The following GABRB3 variants were observed in gnomAD, a reference collection of about 807,000 sequenced individuals.
The protein encoded by GABRB3 is gamma-aminobutyric acid receptor subunit beta-3.
In GABRB3, 14 loss-of-function variants were observed where a neutral mutation model predicts 52.1. That is an observed-to-expected ratio of 0.27 (90% CI 0.18 to 0.42). The LOEUF (loss-of-function observed/expected upper bound fraction) is 0.42. Among genes scored for constraint, GABRB3 ranks in the 10% least tolerant of loss-of-function variants. GABRB3 has a pLI of 1.00. For synonymous variants in GABRB3, 260 were observed against 232.3 expected, an observed-to-expected ratio of 1.12 and a Z score of -1.08; for missense variants, 307 against 609.1, an observed-to-expected ratio of 0.50 and a Z score of 5.22.
intron 3 of GABRB3, chr15:26,716,581 C>T (rs1166659264): frequency 3.0e-6 from 3 of 992,652 alleles, no homozygotes; most frequent in Non-Finnish European, 3.6e-6. Flanking sequence ...TCACAGCCTG[C>T]CTCACATCAA....
chr15:26,554,186 ATATAC>A (rs200838041), intron 8 of GABRB3, among the ~76,000 whole-genome samples: 1,430 of 31,588 alleles, frequency 0.045, 194 homozygotes, highest in African/African-American at 0.19. Flanking sequence ...GTATATATAT[ATATAC>A]TATATATATA....
intron 6 of GABRB3, 23 bp downstream of exon 6, chr15:26,580,296 C>A (rs1448764037): frequency 6.2e-7 from 1 of 1,614,092 alleles, no homozygotes. Flanking sequence ...CCTGAAGGGA[C>A]TATAAGTGGA....
chr15:26,554,063 AAAGTG>A (rs1889607563), intron 8 of GABRB3, among the ~76,000 whole-genome samples: 3 of 112,854 alleles, frequency 2.7e-5, no homozygotes, highest in Non-Finnish European at 3.7e-5. Flanking sequence ...ATTTATATAT[AAAGTG>A]TGTATATATA....
chr15:26,761,515 T>C (rs1372701350), intron 3 of GABRB3, among the ~76,000 whole-genome samples: 1 of 152,016 alleles, frequency 6.6e-6, no homozygotes, highest in Non-Finnish European at 1.5e-5. Flanking sequence ...TATATGTAAA[T>C]ATATCTGATA....
At chr15:26,745,991 TA>T (rs1351399261) in intron 3 of GABRB3, among the ~76,000 whole-genome samples, 1 of 152,218 alleles carries the variant, frequency 6.6e-6, no homozygotes, top group Non-Finnish European at 1.5e-5. Flanking sequence ...GGTTGTAAGG[TA>T]ACTGCAGATT....
At chr15:26,602,225 A>C (rs1215692743) in intron 4 of GABRB3, among the ~76,000 whole-genome samples, 1 of 152,178 alleles carries the variant, frequency 6.6e-6, no homozygotes, top group African/African-American at 2.4e-5. Context: ...TTGCAAACAT[A>C]TATGAATCCA....
At chr15:26,635,421 T>C (rs2140564828) in intron 3 of GABRB3, among the ~76,000 whole-genome samples, 1 of 152,160 alleles carries the variant, frequency 6.6e-6, no homozygotes, top group Non-Finnish European at 1.5e-5. Context: ...GGTCCTCTCT[T>C]GGGTGGCATG....
At chr15:26,684,071 T>C (rs746589945) in intron 3 of GABRB3, among the ~76,000 whole-genome samples, 4 of 152,122 alleles carry the variant, frequency 2.6e-5, no homozygotes, top group Non-Finnish European at 5.9e-5. Context: ...AGGTGGCACT[T>C]CAGGGTGTGC....
At chr15:26,567,117 C>A (rs894071348) in intron 7 of GABRB3, among the ~76,000 whole-genome samples, 2 of 152,134 alleles carry the variant, frequency 1.3e-5, no homozygotes, top group African/African-American at 2.4e-5. Flanking sequence ...CAGGAAAGAT[C>A]ACTAGAGCCT....
At chr15:26,606,773 GATAGATAGATATATCT>G (rs1341448505) in intron 4 of GABRB3, among the ~76,000 whole-genome samples, 8,706 of 53,072 alleles carry the variant, frequency 0.16, 536 homozygotes, top group Admixed American at 0.29. Flanking sequence ...TCTATCTATA[GATAGATAGATATATCT>G]ATAGATAGAT....
At chr15:26,591,425 T>G (rs1891200201) in intron 4 of GABRB3, among the ~76,000 whole-genome samples, 1 of 152,246 alleles carries the variant, frequency 6.6e-6, no homozygotes, top group African/African-American at 2.4e-5. Flanking sequence ...ATAACTCCAC[T>G]ACCATTTAGG....
At chr15:26,758,858 A>G (rs1291088613) in intron 3 of GABRB3, among the ~76,000 whole-genome samples, 1 of 152,218 alleles carries the variant, frequency 6.6e-6, no homozygotes, top group Admixed American at 6.5e-5. Context: ...AATTAGCGCA[A>G]ATGACTTATT....
intron 3 of GABRB3, among the ~76,000 whole-genome samples, chr15:26,659,248 C>T (rs1385112646): frequency 2.0e-5 from 3 of 152,170 alleles, no homozygotes; most frequent in Non-Finnish European, 2.9e-5. Flanking sequence ...TAAGGCTGGG[C>T]GCAGTGGCTC....
chr15:26,607,944 T>G (rs923393143), intron 4 of GABRB3, among the ~76,000 whole-genome samples: 1 of 152,000 alleles, frequency 6.6e-6, no homozygotes, highest in South Asian at 2.1e-4. Flanking sequence ...GATGTAGTTT[T>G]CCATAGAAAC....
At chr15:26,566,219 C>T (rs938567648) in intron 7 of GABRB3, among the ~76,000 whole-genome samples, 5 of 152,052 alleles carry the variant, frequency 3.3e-5, no homozygotes, top group Non-Finnish European at 7.4e-5. Flanking sequence ...CAGCTTTACT[C>T]TTCATAGAGT....
At chr15:26,629,182 A>G (rs1176219250) in intron 3 of GABRB3, 4 of 1,472,780 alleles carry the variant, frequency 2.7e-6, no homozygotes, top group East Asian at 5.0e-5. Context: ...CTCCCGGGAG[A>G]CGGAGGGCTT....
At chr15:26,697,963 T>C (rs1888797791) in intron 3 of GABRB3, among the ~76,000 whole-genome samples, 2 of 152,332 alleles carry the variant, frequency 1.3e-5, no homozygotes, top group African/African-American at 2.4e-5. Flanking sequence ...AATTTAGAAC[T>C]CATCTGGCAT....
intron 3 of GABRB3, among the ~76,000 whole-genome samples, chr15:26,739,695 A>G (rs190198804): frequency 1.4e-3 from 212 of 152,248 alleles, no homozygotes; most frequent in African/African-American, 5.0e-3. Context: ...TTATTGATAC[A>G]TAATAGATGT....
At chr15:26,627,597 G>C (rs542240870) in intron 3 of GABRB3, among the ~76,000 whole-genome samples, 1 of 152,096 alleles carries the variant, frequency 6.6e-6, no homozygotes, top group African/African-American at 2.4e-5. Context: ...AGGGGTTCAA[G>C]TCATTGCAGA....
Sources: gnomAD v4.1 joint callset for allele counts (sites outside exome capture counted in the v4.1 genomes callset) on GRCh38, gnomAD v4.1.1 for gene constraint, MANE v1.5 for transcripts, NCBI Gene and HGNC (gene_info 2026-07-23, HGNC 2026-07-21) for gene names.